Variants in ATP8A2 observed in about 807,000 individuals in gnomAD.
ATP8A2 encodes the protein ATPase phospholipid transporting 8A2, also known as phospholipid-transporting ATPase IB.
ATP8A2 carries 100 observed loss-of-function variants against 165.6 expected under a neutral mutation model. The ratio of observed to expected loss-of-function variants is 0.60; its 90% CI spans 0.51 to 0.71. ATP8A2 has a LOEUF of 0.71. ATP8A2 is among the 30% of genes least tolerant of loss of function. The pLI, the probability that ATP8A2 is intolerant of heterozygous loss-of-function variation, is 0.00. For missense variants in ATP8A2, 1,227 were observed against 1,479.5 expected, an observed-to-expected ratio of 0.83 and a Z score of 2.80; for synonymous variants, 543 against 548.8, an observed-to-expected ratio of 0.99 and a Z score of 0.15.
chr13:25,966,582 A>T (rs1299310563), intron 34 of ATP8A2, among the ~76,000 whole-genome samples: 9 of 152,234 alleles, frequency 5.9e-5, no homozygotes, highest in Non-Finnish European at 1.0e-4. Flanking sequence ...TTCCAATAGC[A>T]ACAAAGTTCC....
At chr13:25,792,996 G>A (rs2045219971) in intron 27 of ATP8A2, among the ~76,000 whole-genome samples, 1 of 149,984 alleles carries the variant, frequency 6.7e-6, no homozygotes. Context: ...GAGGGATAGG[G>A]GAGAGAGGGG....
chr13:25,878,047 A>G (rs1482964428), intron 33 of ATP8A2, among the ~76,000 whole-genome samples: 1 of 152,062 alleles, frequency 6.6e-6, no homozygotes, highest in African/African-American at 2.4e-5. Context: ...CCTCACTTCC[A>G]CTCAGCTCTA....
chr13:25,963,422 AAAAAGAAAAAG>A (rs901392815), intron 34 of ATP8A2, among the ~76,000 whole-genome samples: 2 of 151,136 alleles, frequency 1.3e-5, no homozygotes, highest in Non-Finnish European at 3.0e-5. Context: ...AAAAGAAAAG[AAAAAGAAAAAG>A]AAAAGAAAGA....
rs1593328821 is a variant in ATP8A2, at chr13:25,776,116, T to C, written c.2679+1157T>C. Among the ~76,000 whole-genome samples the C allele has an allele frequency of 2.0e-5, 3 of 152,352 alleles. No individual in the cohort carries two copies. The East Asian group carries it at 5.8e-4, about 29-fold the overall frequency. On this transcript the variant is annotated intron_variant, in intron 27 of 36. Coordinates refer to ENST00000381655, the MANE Select transcript of ATP8A2 (RefSeq NM_016529.6). ...AACCTGTGCTACTTCATTCATCTCTTCAGCTGCCCGGAGCCCAACTGGAAA... is the reference window on the plus strand; with the variant it reads ...AACCTGTGCTACTTCATTCATCTCTCCAGCTGCCCGGAGCCCAACTGGAAA...
At chr13:25,447,346 A>T (rs2035097359) in intron 1 of ATP8A2, among the ~76,000 whole-genome samples, 1 of 152,218 alleles carries the variant, frequency 6.6e-6, no homozygotes. Flanking sequence ...TAATGAACAA[A>T]TCAGGGTAAT....
At chr13:25,616,890 T>C (rs935591277) in intron 24 of ATP8A2, among the ~76,000 whole-genome samples, 1 of 152,112 alleles carries the variant, frequency 6.6e-6, no homozygotes, top group Admixed American at 6.6e-5. Context: ...TAACAGCCCT[T>C]TGACACGTGT....
chr13:25,768,914 A>G (rs1025730205), intron 25 of ATP8A2, 132 bp from the exon 26 acceptor site: 16 of 854,762 alleles, frequency 1.9e-5, no homozygotes, highest in African/African-American at 3.4e-5. Flanking sequence ...TTCTTTGCAC[A>G]TGAGCATAAA....
At chr13:25,484,799 G>A (rs556869168) in intron 2 of ATP8A2, among the ~76,000 whole-genome samples, 1 of 152,272 alleles carries the variant, frequency 6.6e-6, no homozygotes, top group South Asian at 2.1e-4. Flanking sequence ...TTACAGGCGT[G>A]AGCGACCGCA....
At chr13:25,624,049 C>T (rs2041043134) in intron 24 of ATP8A2, among the ~76,000 whole-genome samples, 1 of 152,038 alleles carries the variant, frequency 6.6e-6, no homozygotes, top group African/African-American at 2.4e-5. Flanking sequence ...ATGGTAGAAA[C>T]TGGTGTATTC....
chr13:25,418,224 C>T (rs1308762475), intron 1 of ATP8A2, among the ~76,000 whole-genome samples: 1 of 152,132 alleles, frequency 6.6e-6, no homozygotes, highest in East Asian at 1.9e-4. Flanking sequence ...ATCAAAAGAT[C>T]CCCACTGTCC....
chr13:25,465,671 CTTTCTTTCTT>C (rs1169633093), intron 1 of ATP8A2, among the ~76,000 whole-genome samples: 27 of 7,250 alleles, frequency 3.7e-3, no homozygotes, highest in Non-Finnish European at 7.1e-3. Flanking sequence ...AGTTTTCTTT[CTTTCTTTCTT>C]TCTTTCTTTC....
intron 33 of ATP8A2, among the ~76,000 whole-genome samples, chr13:25,891,801 T>C (rs541981033): frequency 6.6e-6 from 1 of 152,218 alleles, no homozygotes; most frequent in African/African-American, 2.4e-5. Flanking sequence ...CCACTTTGGG[T>C]AAAGGACAAA....
At chr13:25,676,683 TA>T (rs56256177) in intron 24 of ATP8A2, among the ~76,000 whole-genome samples, 5,814 of 152,228 alleles carry the variant, frequency 0.038, 167 homozygotes, top group Middle Eastern at 0.099. Context: ...AGTGATTTTT[TA>T]AAAAAAATTT....
At chr13:25,671,225 TC>T (rs1448050142) in intron 24 of ATP8A2, among the ~76,000 whole-genome samples, 3 of 152,214 alleles carry the variant, frequency 2.0e-5, no homozygotes, top group Non-Finnish European at 4.4e-5. Flanking sequence ...CCTATGCCTG[TC>T]TTTACTTTAG....
intron 1 of ATP8A2, among the ~76,000 whole-genome samples, chr13:25,442,683 G>A (rs1361297385): frequency 1.3e-5 from 2 of 152,186 alleles, no homozygotes; most frequent in Admixed American, 6.5e-5. Flanking sequence ...GCGTCCCAAA[G>A]TGCTGCGGGT....
At chr13:25,920,963 G>A (rs117630043) in intron 33 of ATP8A2, among the ~76,000 whole-genome samples, 1,535 of 152,184 alleles carry the variant, frequency 0.01, 12 homozygotes, top group Non-Finnish European at 0.015. Flanking sequence ...CTGGCTACTC[G>A]GGAGGCTGAG....
rs551817381 is a variant in ATP8A2 at position 25,773,976 on chromosome 13, TA to T, written c.2569-870del. On this transcript the variant is annotated intron_variant, in intron 26 of 36. Transcript: ENST00000381655. Reference sequence around the variant, plus strand: ...TGTGCACCTGTGTGTACTTTTCTTTTAAACAAGACTGTATTGTGTGAGTGTC... The same window carrying T: ...TGTGCACCTGTGTGTACTTTTCTTTTAACAAGACTGTATTGTGTGAGTGTC... Among the ~76,000 whole-genome samples, 273 of 152,352 alleles carry T rather than the reference TA, an allele frequency of 1.8e-3. 3 individuals are homozygous for T. The highest frequency in any genetic ancestry group is 6.3e-3 in the African/African-American group (262 of 41,576).
intron 33 of ATP8A2, among the ~76,000 whole-genome samples, chr13:25,934,192 C>T (rs1566281756): frequency 1.3e-5 from 2 of 152,156 alleles, no homozygotes; most frequent in Non-Finnish European, 2.9e-5. Flanking sequence ...ATGTTTCTAC[C>T]CCAACAAAGC....
intron 25 of ATP8A2, among the ~76,000 whole-genome samples, chr13:25,761,189 A>T (rs1420141291): frequency 6.6e-6 from 1 of 152,210 alleles, no homozygotes; most frequent in Non-Finnish European, 1.5e-5. Context: ...GCCATACCAA[A>T]ATAATACCGT....
Sources: gnomAD v4.1 joint callset for allele counts (sites outside exome capture counted in the v4.1 genomes callset) on GRCh38, gnomAD v4.1.1 for gene constraint, MANE v1.5 for transcripts, NCBI Gene and HGNC (gene_info 2026-07-23, HGNC 2026-07-21) for gene names.